SNX29: variants seen among roughly 807,000 people sequenced by gnomAD.
The protein encoded by SNX29 is sorting nexin-29.
Under a neutral mutation model 102.1 loss-of-function variants are expected in SNX29, and 78 were observed. The observed-to-expected ratio is 0.76, with a 90% CI of 0.64 to 0.92. The LOEUF (loss-of-function observed/expected upper bound fraction) is 0.92, where lower values mean the gene tolerates loss of function less well. Among genes scored for constraint, SNX29 ranks in the 40% least tolerant of loss-of-function variants. The probability of loss-of-function intolerance (pLI) is 0.00; values close to 1 mark genes in which losing one functional copy is unlikely to be tolerated. For missense variants in SNX29, 1,280 were observed against 1,061.7 expected (o/e 1.21, Z -2.86); for synonymous variants, 580 against 414.5 (o/e 1.40, Z -4.85).
chr16:12,550,961 G>C (rs1331353344), intron 20 of SNX29, among the ~76,000 whole-genome samples: 1 of 152,094 alleles, frequency 6.6e-6, no homozygotes, highest in Non-Finnish European at 1.5e-5. Flanking sequence ...AGGTAGAATG[G>C]GCTTAGGGCA....
At chr16:12,440,772 C>T (rs936544589) in intron 18 of SNX29, among the ~76,000 whole-genome samples, 3 of 152,152 alleles carry the variant, frequency 2.0e-5, no homozygotes, top group Non-Finnish European at 2.9e-5. Flanking sequence ...GACATGATCT[C>T]GTTCTGTTTT....
At chr16:12,250,552 A>G (rs2078391442) in intron 14 of SNX29, among the ~76,000 whole-genome samples, 1 of 152,232 alleles carries the variant, frequency 6.6e-6, no homozygotes, top group Non-Finnish European at 1.5e-5. Flanking sequence ...CACTTGCTCC[A>G]CTGGGTACTG....
At chr16:12,330,650 G>T (rs1252425129) in intron 15 of SNX29, among the ~76,000 whole-genome samples, 1 of 152,212 alleles carries the variant, frequency 6.6e-6, no homozygotes, top group African/African-American at 2.4e-5. Context: ...GCGGAGCCAG[G>T]CGGCTGGACC....
intron 15 of SNX29, among the ~76,000 whole-genome samples, chr16:12,278,388 C>T (rs1031267969): frequency 8.6e-5 from 13 of 151,884 alleles, no homozygotes; most frequent in African/African-American, 3.1e-4. Context: ...ATGAGGTGAA[C>T]TATTTTTCAG....
chr16:12,041,580 C>T (rs1052221718), intron 4 of SNX29, among the ~76,000 whole-genome samples: 1 of 152,232 alleles, frequency 6.6e-6, no homozygotes, highest in Non-Finnish European at 1.5e-5. Flanking sequence ...GGCTTCAGGG[C>T]TGAATCCGTT....
chr16:12,571,994 C>T lies in SNX29; in HGVS notation c.*3365C>T. On this transcript the variant is annotated 3_prime_UTR_variant, in exon 21 of 21. Transcript: ENST00000566228. ...GGTAGCCATCTTCACATCCAGTCACCAGTTGCATCTAGGGAGCTGCTGGCT... is the reference window on the plus strand; with the variant it reads ...GGTAGCCATCTTCACATCCAGTCACTAGTTGCATCTAGGGAGCTGCTGGCT... 3.8e-6 allele frequency: 4 copies of T among 1,062,386 alleles called. No individual in the cohort carries two copies. Among genetic ancestry groups the T allele is most frequent in the African/African-American group, 1.6e-5 (1 of 60,998 alleles). 65.8% of individuals were successfully genotyped at this position (1,062,386 alleles called of 1,614,324 possible).
intron 13 of SNX29, among the ~76,000 whole-genome samples, chr16:12,162,342 G>C (rs547619890): frequency 6.6e-6 from 1 of 152,158 alleles, no homozygotes; most frequent in South Asian, 2.1e-4. Flanking sequence ...TCAATACTTG[G>C]TTGGCTGACT....
intron 20 of SNX29, among the ~76,000 whole-genome samples, chr16:12,539,232 C>T (rs1415078054): frequency 1.3e-5 from 2 of 152,174 alleles, no homozygotes; most frequent in Non-Finnish European, 2.9e-5. Context: ...TAGACCAGTT[C>T]CTTCACCCTA....
At chr16:12,350,664 A>G (rs2081968439) in intron 15 of SNX29, among the ~76,000 whole-genome samples, 1 of 152,174 alleles carries the variant, frequency 6.6e-6, no homozygotes, top group African/African-American at 2.4e-5. Context: ...GAGGAAGAGG[A>G]AAACTGTTTC....
intron 13 of SNX29, 113 bp downstream of exon 13, chr16:12,129,871 A>T (rs80179825): frequency 0.17 from 222,571 of 1,291,000 alleles, 20,282 homozygotes; most frequent in Admixed American, 0.3. Context: ...TTGGGAGGCC[A>T]AGGCGGGTGG....
intron 18 of SNX29, among the ~76,000 whole-genome samples, chr16:12,436,512 A>G (rs2085546660): frequency 6.6e-6 from 1 of 152,188 alleles, no homozygotes; most frequent in Non-Finnish European, 1.5e-5. Context: ...TCAGGCATTC[A>G]TACCCCTGAC....
intron 9 of SNX29, among the ~76,000 whole-genome samples, chr16:12,065,753 G>T (rs537288266): frequency 2.0e-5 from 3 of 152,260 alleles, no homozygotes; most frequent in African/African-American, 7.2e-5. Context: ...GCTGTTTGGG[G>T]TTCCTGGTTT....
intron 2 of SNX29, among the ~76,000 whole-genome samples, chr16:12,001,987 T>G (rs1028184276): frequency 1.3e-5 from 2 of 150,856 alleles, no homozygotes; most frequent in African/African-American, 4.9e-5. Context: ...ATCACTCCCC[T>G]TCAGCCTCGG....
chr16:12,147,904 G>A (rs751232876), intron 13 of SNX29, among the ~76,000 whole-genome samples: 23 of 152,284 alleles, frequency 1.5e-4, no homozygotes, highest in South Asian at 6.2e-4. Context: ...TGGAGCCTGG[G>A]AGGGGAACAA....
At chr16:12,238,515 G>A (rs2078006429) in intron 14 of SNX29, among the ~76,000 whole-genome samples, 1 of 152,004 alleles carries the variant, frequency 6.6e-6, no homozygotes, top group South Asian at 2.1e-4. Flanking sequence ...GTAGAGATGG[G>A]GTTTTACCAT....
chr16:12,486,997 A>G (rs1427768682), intron 19 of SNX29, among the ~76,000 whole-genome samples: 1 of 152,210 alleles, frequency 6.6e-6, no homozygotes, highest in Admixed American at 6.5e-5. Context: ...AAAGAAAAAG[A>G]AAAAGATCCT....
intron 18 of SNX29, among the ~76,000 whole-genome samples, chr16:12,426,153 A>G (rs903017122): frequency 6.6e-6 from 1 of 152,064 alleles, no homozygotes; most frequent in Admixed American, 6.6e-5. Context: ...GGGCTAAGTT[A>G]TACTGTTGTG....
At chr16:12,525,552 C>A (rs1434823928) in intron 20 of SNX29, among the ~76,000 whole-genome samples, 1 of 151,904 alleles carries the variant, frequency 6.6e-6, no homozygotes, top group East Asian at 1.9e-4. Flanking sequence ...ATTAGCTGGG[C>A]ATGGTGGCAG....
chr16:12,233,836 T>C lies in SNX29; in HGVS notation c.1678+34153T>C, dbSNP rs538010561. On this transcript the variant is annotated intron_variant, in intron 14 of 20. Coordinates refer to ENST00000566228, the MANE Select transcript of SNX29 (RefSeq NM_032167.5). ...GGATGTGCCTGTTCTGGACACTTCA[T>C]ATCAGTGGAATGATACAGTGTATGG... 8.5e-5 allele frequency among the ~76,000 whole-genome samples: 13 copies of C among 152,316 alleles called. No homozygotes were observed. In the East Asian group the frequency reaches 1.5e-3, roughly 18 times the overall value.
Sources: gnomAD v4.1 joint callset for allele counts (sites outside exome capture counted in the v4.1 genomes callset) on GRCh38, gnomAD v4.1.1 for gene constraint, MANE v1.5 for transcripts, NCBI Gene and HGNC (gene_info 2026-07-23, HGNC 2026-07-21) for gene names.